KIF6: variants seen among roughly 807,000 people sequenced by gnomAD.
KIF6 encodes kinesin family member 6.
KIF6 carries 106 observed loss-of-function variants against 112.7 expected under a neutral mutation model. The ratio of observed to expected loss-of-function variants is 0.94; its 90% CI spans 0.80 to 1.11. The LOEUF is 1.11. Ranked by LOEUF, KIF6 falls within the 50% of genes least tolerant of loss-of-function variation. The probability of loss-of-function intolerance (pLI) is 0.00; values close to 1 mark genes in which losing one functional copy is unlikely to be tolerated. For missense variants in KIF6, 929 were observed against 964.0 expected (o/e 0.96, Z 0.48); for synonymous variants, 339 against 339.9 (o/e 1.00, Z 0.03).
rs1777895431 is a variant in KIF6 at position 39,528,993 on chromosome 6, G to T, written c.1645+11010C>A. 2.0e-5 allele frequency among the ~76,000 whole-genome samples: 3 copies of T among 152,276 alleles called. No homozygotes were observed. The South Asian group carries it at 6.2e-4, about 32-fold the overall frequency. ...TCATCGACCAATGGAACAGAATAGA[G>T]AGCTCAGAAATGAACCACACATGTA... On this transcript the variant is annotated intron_variant, in intron 13 of 22. Transcript: ENST00000287152.
intron 7 of KIF6, among the ~76,000 whole-genome samples, chr6:39,595,654 A>G (rs1782210239): frequency 6.6e-6 from 1 of 152,238 alleles, no homozygotes; most frequent in Non-Finnish European, 1.5e-5. Context: ...TACATGCTAC[A>G]ATATGGATGA....
At chr6:39,345,081 T>A (rs771059183) in intron 21 of KIF6, among the ~76,000 whole-genome samples, 3 of 152,240 alleles carry the variant, frequency 2.0e-5, no homozygotes, top group African/African-American at 4.8e-5. Context: ...CAACTTTCCG[T>A]CCATCCTCAC....
At chr6:39,444,972 C>T (rs1274528736) in intron 13 of KIF6, among the ~76,000 whole-genome samples, 5 of 152,088 alleles carry the variant, frequency 3.3e-5, no homozygotes, top group African/African-American at 9.7e-5. Flanking sequence ...TGGGAGGAGC[C>T]GCATCACCTG....
At position 39,443,092 on chromosome 6, in the gene KIF6, C is replaced by A. The variant is rs569570358; in HGVS notation, c.1646-11931G>T. ...TCACGCCATTGCACTCCAGCCTGGG[C>A]GACAGAGTGAGACTGCATCTCAAAT... On this transcript the variant is annotated intron_variant, in intron 13 of 22. Transcript: ENST00000287152. Among the ~76,000 whole-genome samples, 6 of 147,744 alleles carry A rather than the reference C, an allele frequency of 4.1e-5. 1 individual carries two copies. In the South Asian group the frequency reaches 1.3e-3, roughly 32 times the overall value.
chr6:39,629,696 T>A (rs1784264430), intron 5 of KIF6, among the ~76,000 whole-genome samples: 4 of 152,076 alleles, frequency 2.6e-5, no homozygotes, highest in Admixed American at 6.6e-5. Flanking sequence ...TTTAATAAAG[T>A]TCAACTTATA....
At chr6:39,634,719 C>A in intron 5 of KIF6, 130 bp downstream of exon 5, 1 of 682,586 alleles carries the variant, frequency 1.5e-6, no homozygotes, top group Non-Finnish European at 2.6e-6. Flanking sequence ...CATTATATTA[C>A]AAAAAGATAC....
intron 13 of KIF6, among the ~76,000 whole-genome samples, chr6:39,491,781 T>C (rs1411335132): frequency 6.6e-6 from 1 of 152,130 alleles, no homozygotes; most frequent in Non-Finnish European, 1.5e-5. Flanking sequence ...ACTCTTTTTA[T>C]GTAGTAGTGG....
intron 2 of KIF6, 25 bp from the exon 3 acceptor site, chr6:39,714,791 T>C (rs1184511960): frequency 2.1e-6 from 3 of 1,462,770 alleles, no homozygotes; most frequent in Non-Finnish European, 2.9e-6. Context: ...ATAGTAATTA[T>C]TTAAAAGCTG....
At chr6:39,371,687 G>C (rs1481725703) in intron 16 of KIF6, among the ~76,000 whole-genome samples, 1 of 152,126 alleles carries the variant, frequency 6.6e-6, no homozygotes, top group Non-Finnish European at 1.5e-5. Context: ...CTGTAGATAG[G>C]TCTTTATCCA....
chr6:39,660,407 T>C (rs1234147937), intron 3 of KIF6, among the ~76,000 whole-genome samples: 2 of 152,182 alleles, frequency 1.3e-5, no homozygotes, highest in Non-Finnish European at 2.9e-5. Context: ...TATCATCAAA[T>C]CATCTCAGCA....
At chr6:39,690,443 T>C (rs1788130745) in intron 3 of KIF6, 1 of 151,708 alleles carries the variant, frequency 6.6e-6, no homozygotes, top group South Asian at 2.1e-4. Context: ...TGGTACAATA[T>C]TTCTGAATGA....
At chr6:39,686,033 G>C (rs897875418) in intron 3 of KIF6, among the ~76,000 whole-genome samples, 2 of 152,080 alleles carry the variant, frequency 1.3e-5, no homozygotes, top group African/African-American at 2.4e-5. Context: ...TTCATGATGA[G>C]GGTTGGATTT....
chr6:39,562,307 A>G (rs75271944), intron 10 of KIF6, among the ~76,000 whole-genome samples: 244 of 152,338 alleles, frequency 1.6e-3, no homozygotes, highest in African/African-American at 5.7e-3. Flanking sequence ...GTCTTAGTAG[A>G]AGCAAGTCTT....
At chr6:39,631,359 T>C (rs1329098348) in intron 5 of KIF6, among the ~76,000 whole-genome samples, 1 of 152,126 alleles carries the variant, frequency 6.6e-6, no homozygotes, top group Non-Finnish European at 1.5e-5. Context: ...TGTTGCATTG[T>C]TTCTGATCTT....
chr6:39,714,617 C>T, intron 3 of KIF6, 75 bp downstream of exon 3: 1 of 976,848 alleles, frequency 1.0e-6, no homozygotes, highest in Non-Finnish European at 1.6e-6. Flanking sequence ...CTTAAGCACA[C>T]TACCACAGTT....
chr6:39,719,445 T>C (rs905757914), intron 2 of KIF6, among the ~76,000 whole-genome samples: 7 of 152,192 alleles, frequency 4.6e-5, no homozygotes, highest in African/African-American at 1.7e-4. Flanking sequence ...TAAAACAGTC[T>C]AGAGATACAT....
intron 16 of KIF6, among the ~76,000 whole-genome samples, chr6:39,371,897 A>G (rs549530700): frequency 6.6e-6 from 1 of 152,296 alleles, no homozygotes; most frequent in East Asian, 1.9e-4. Context: ...TACCAGGCCC[A>G]GAGAGTCCAA....
intron 3 of KIF6, among the ~76,000 whole-genome samples, chr6:39,705,824 C>A (rs1005217105): frequency 6.6e-6 from 1 of 152,192 alleles, no homozygotes; most frequent in African/African-American, 2.4e-5. Context: ...TGGTAACCTG[C>A]TCCTTAAAGG....
intron 3 of KIF6, among the ~76,000 whole-genome samples, chr6:39,674,837 A>T (rs1020226111): frequency 4.7e-5 from 7 of 150,420 alleles, no homozygotes; most frequent in African/African-American, 1.7e-4. Context: ...AGGATTAAAG[A>T]CAAAAAAGCT....
Sources: gnomAD v4.1 joint callset for allele counts (sites outside exome capture counted in the v4.1 genomes callset) on GRCh38, gnomAD v4.1.1 for gene constraint, MANE v1.5 for transcripts, NCBI Gene and HGNC (gene_info 2026-07-23, HGNC 2026-07-21) for gene names.